CCDC88A: variants seen among roughly 807,000 people sequenced by gnomAD.
CCDC88A encodes the protein coiled-coil and HOOK domain protein 88A, also known as girdin.
Under a neutral mutation model 234.3 loss-of-function variants are expected in CCDC88A, and 54 were observed. The ratio of observed to expected loss-of-function variants is 0.23; its 90% confidence interval spans 0.19 to 0.29. The LOEUF (loss-of-function observed/expected upper bound fraction) is 0.29, where lower values mean the gene tolerates loss of function less well. Ranked by LOEUF, CCDC88A falls within the 10% of genes least tolerant of loss-of-function variation. CCDC88A has a pLI of 1.00. For missense variants in CCDC88A, 1,832 were observed against 2,123.4 expected (o/e 0.86, Z 2.70); for synonymous variants, 753 against 737.8 (o/e 1.02, Z -0.33).
At chr2:55,327,013 C>T (rs1359387750) in intron 17 of CCDC88A, among the ~76,000 whole-genome samples, 1 of 152,144 alleles carries the variant, frequency 6.6e-6, no homozygotes, top group Admixed American at 6.6e-5. Context: ...AAATTCAGGA[C>T]AACAAGCAGG....
At chr2:55,395,229 C>CAGCCTTCTAGCTAGCA (rs1677329834) in intron 2 of CCDC88A, among the ~76,000 whole-genome samples, 1 of 152,224 alleles carries the variant, frequency 6.6e-6, no homozygotes, top group African/African-American at 2.4e-5. Context: ...CCTCCTGCCT[C>CAGCCTTCTAGCTAGCA]AGCCTTCTAG....
intron 3 of CCDC88A, among the ~76,000 whole-genome samples, chr2:55,378,201 T>C (rs1004569663): frequency 3.3e-5 from 5 of 152,182 alleles, no homozygotes; most frequent in Non-Finnish European, 7.3e-5. Flanking sequence ...TCCTGCCTAC[T>C]CTGTTTCCCC....
chr2:55,300,359 C>A (rs535240854), intron 28 of CCDC88A: 1 of 160,034 alleles, frequency 6.2e-6, no homozygotes, highest in African/African-American at 2.4e-5. Flanking sequence ...ACAAGGGTAA[C>A]AACTGTATAA....
intron 5 of CCDC88A, among the ~76,000 whole-genome samples, chr2:55,367,533 T>TTTTTTTTTTGTTTTTTTG (rs1355507261): frequency 7.0e-6 from 1 of 142,810 alleles, no homozygotes; most frequent in Non-Finnish European, 1.5e-5. Context: ...TCCTTGTTTT[T>TTTTTTTTTTGTTTTTTTG]TTTTAAGAGA....
intron 25 of CCDC88A, among the ~76,000 whole-genome samples, chr2:55,305,049 A>C (rs1361373071): frequency 6.6e-6 from 1 of 152,224 alleles, no homozygotes; most frequent in East Asian, 1.9e-4. Flanking sequence ...ATTTCTTTTC[A>C]AGCTTAGTAA....
intron 2 of CCDC88A, 101 bp from the exon 3 acceptor site, chr2:55,388,987 T>A: frequency 6.1e-6 from 2 of 328,558 alleles, no homozygotes; most frequent in Non-Finnish European, 5.5e-6. Context: ...TTAAATAAAT[T>A]GTGTGCTCAT....
At chr2:55,399,995 T>G (rs1678339734) in intron 2 of CCDC88A, among the ~76,000 whole-genome samples, 1 of 152,158 alleles carries the variant, frequency 6.6e-6, no homozygotes, top group African/African-American at 2.4e-5. Flanking sequence ...ATACAGTAAT[T>G]TAAACAAACA....
chr2:55,321,032 C>G (rs1156308370), intron 18 of CCDC88A: 1 of 151,356 alleles, frequency 6.6e-6, no homozygotes, highest in East Asian at 1.9e-4. Context: ...ATCACTTGAG[C>G]CTGGGAGGAT....
chr2:55,339,751 G>T, intron 12 of CCDC88A, 103 bp from the exon 13 acceptor site: 2 of 774,760 alleles, frequency 2.6e-6, no homozygotes, highest in South Asian at 2.5e-5. Context: ...TGCATCATCT[G>T]ATCCTTAACT....
Position 55,414,686 on chromosome 2 carries a change from T to C in CCDC88A, c.164+4130A>G, listed in dbSNP as rs557412728. On this transcript the variant is annotated intron_variant, in intron 2 of 32. Coordinates refer to ENST00000436346, the MANE Select transcript of CCDC88A (RefSeq NM_001365480.1). ...AGAAGTTAGCTCTTCACTTTCAGAGTCTGGGTGCAAAACAGCAACAACAGA... is the reference window on the plus strand; with the variant it reads ...AGAAGTTAGCTCTTCACTTTCAGAGCCTGGGTGCAAAACAGCAACAACAGA... Among the ~76,000 whole-genome samples, 5 of 149,690 alleles carry C rather than the reference T, an allele frequency of 3.3e-5. No individual in the cohort carries two copies. In the Admixed American group the frequency reaches 3.4e-4, roughly 10 times the overall value.
At position 55,317,351 on chromosome 2, in the gene CCDC88A, TG is replaced by T. The variant is rs768846308; in HGVS notation, c.3603-3del. On this transcript the variant is annotated splice_region_variant and splice_polypyrimidine_tract_variant and intron_variant, in intron 20 of 32. Coordinates refer to ENST00000436346, the MANE Select transcript of CCDC88A (RefSeq NM_001365480.1). The surrounding 1 kb of genome is among the most constrained non-coding windows in gnomAD (Gnocchi z 4.2). ...TTCTGTTTTAATAACTGATTGTAAC[TG>T]GGGGGAAAAAAGGCATTTGGTTTAT... The T allele has an allele frequency of 6.8e-6, 10 of 1,466,086 alleles. No individual in the cohort carries two copies. Among genetic ancestry groups the T allele is most frequent in the Non-Finnish European group, 8.1e-6 (9 of 1,104,974 alleles). 90.8% of individuals were successfully genotyped at this position (1,466,086 alleles called of 1,614,324 possible).
intron 9 of CCDC88A, chr2:55,348,567 C>A (rs1044218245): frequency 5.3e-5 from 8 of 152,206 alleles, no homozygotes; most frequent in Non-Finnish European, 1.5e-5. Context: ...GCCACCGCAC[C>A]TGGCCAGACT....
At chr2:55,310,737 C>G (rs1325350685) in intron 23 of CCDC88A, among the ~76,000 whole-genome samples, 2 of 152,176 alleles carry the variant, frequency 1.3e-5, no homozygotes, top group Non-Finnish European at 2.9e-5. Flanking sequence ...AACAGTTATA[C>G]CACAGTACAA....
In CCDC88A at chr2:55,299,933, C is replaced by A. The variant is rs1680677381; in HGVS notation, c.4745-14G>T. ...CTGGTCTTGAAGCTAAATGAAAAAA[C>A]CAGGAGACAGTGTGATAAAACTTCT... On this transcript the variant is annotated splice_polypyrimidine_tract_variant and intron_variant, in intron 28 of 32. Transcript: ENST00000436346. 6.3e-7 allele frequency: 1 copy of A among 1,596,118 alleles called. No individual in the cohort carries two copies. Among genetic ancestry groups the A allele is most frequent in the Non-Finnish European group, 8.6e-7 (1 of 1,164,264 alleles).
intron 25 of CCDC88A, chr2:55,307,931 GGTGCACAA>G (rs1472258411): frequency 6.6e-6 from 1 of 151,536 alleles, no homozygotes; most frequent in Non-Finnish European, 1.5e-5. Context: ...TGGGATTATA[GGTGCACAA>G]TACTACAACG....
chr2:55,335,196 A>C lies in CCDC88A; in HGVS notation c.1657-32T>G. ...TGAAAAGAAAATAATTAAAAGCTGT[A>C]ATTGAGGAAAAACTAACTATGGTTT... On this transcript the variant is annotated intron_variant, in intron 14 of 32. Transcript: ENST00000436346. This position sits in a 1 kb window ranked among gnomAD's most constrained non-coding sequence, Gnocchi z 4.5. 1 of 1,352,086 alleles carries C rather than the reference A, an allele frequency of 7.4e-7. No individual in the cohort carries two copies. The allele number at this position is 1,352,086 out of a possible 1,614,324, so 83.8% of individuals were successfully genotyped here.
Position 55,344,384 on chromosome 2 carries a change from A to G in CCDC88A, c.1172T>C (p.Leu391Pro). The G allele has an allele frequency of 6.3e-7, 1 of 1,581,494 alleles. No individual in the cohort carries two copies. The highest frequency in any genetic ancestry group is 1.2e-5 in the South Asian group (1 of 84,108). Residue 391 changes from leucine (L) to proline (P), a missense_variant, in exon 11 of 33, where the codon CTT (leucine) becomes CCT (proline). Leu to Pro is a moderately conservative substitution (Grantham distance 98). Around this residue, in one of 6 missense-constraint regions of CCDC88A, gnomAD observed 1,282 missense variants for 1,543.6 expected, o/e 0.83. Transcript: ENST00000436346. Reference sequence around the variant, plus strand: ...AAAACTTACCATTTCCATATCATGAAGTTTAGCTTTCAGTTGTAAGTTCTC... The same window carrying G: ...AAAACTTACCATTTCCATATCATGAGGTTTAGCTTTCAGTTGTAAGTTCTC... ...EKENLQLKAK[L>P]HDMEMERDMD...
intron 3 of CCDC88A, among the ~76,000 whole-genome samples, chr2:55,381,717 C>T (rs1674639306): frequency 6.6e-6 from 1 of 152,108 alleles, no homozygotes; most frequent in Non-Finnish European, 1.5e-5. Flanking sequence ...TTAAATTAGC[C>T]TTTCCTTCTT....
intron 16 of CCDC88A, among the ~76,000 whole-genome samples, chr2:55,330,469 G>A (rs72923156): frequency 0.072 from 10,782 of 149,166 alleles, 1,213 homozygotes; most frequent in African/African-American, 0.24. Context: ...GCAAAACTCC[G>A]ACTCAAAAAA....
Sources: gnomAD v4.1 joint callset for allele counts (sites outside exome capture counted in the v4.1 genomes callset) on GRCh38, gnomAD v4.1.1 for gene constraint, gnomAD v4.1.1 regional missense constraint, Gnocchi (gnomAD v3.1) non-coding constraint, MANE v1.5 for transcripts, NCBI Gene and HGNC (gene_info 2026-07-23, HGNC 2026-07-21) for gene names.